CDH19: variants seen among roughly 807,000 people sequenced by gnomAD.
CDH19 encodes cadherin 19.
Under a neutral mutation model 64.2 loss-of-function variants are expected in CDH19, and 67 were observed. The observed-to-expected ratio is 1.04, with a 90% CI of 0.86 to 1.28. CDH19 has a LOEUF of 1.28. Ranked by LOEUF, CDH19 falls within the 50% of genes most tolerant of loss-of-function variation. The pLI is 0.00. For synonymous variants in CDH19, 346 were observed against 319.3 expected (o/e 1.08, Z -0.89); for missense variants, 1,030 against 929.0 (o/e 1.11, Z -1.41).
At position 66,504,520 on chromosome 18, in the gene CDH19, G is replaced by A; in HGVS notation, c.*292C>T. On this transcript the variant is annotated 3_prime_UTR_variant, in exon 12 of 12. Transcript: ENST00000262150. Reference sequence around the variant, plus strand: ...ATAATGATATAATCGCATAAGGATCGACTACATCTTGTGTCCTCTCATCTA... The same window carrying A: ...ATAATGATATAATCGCATAAGGATCAACTACATCTTGTGTCCTCTCATCTA... The A allele has an allele frequency of 3.6e-6, 1 of 274,152 alleles. No individual in the cohort carries two copies. The highest frequency in any genetic ancestry group is 6.8e-6 in the Non-Finnish European group (1 of 145,996). The allele number at this position is 274,152 out of a possible 1,614,324, so 17.0% of individuals were successfully genotyped here. A position where few individuals can be genotyped will look rare whatever the true frequency, so the allele number is the denominator to read the frequency against.
rs1026162128 is a variant in CDH19 at position 66,502,416 on chromosome 18, T to C, written c.*2396A>G. ...ACAGGTATTCCATTAATGTGCATTT[T>C]AATGAGTTGTTTATCCAAATGTATT... On this transcript the variant is annotated 3_prime_UTR_variant, in exon 12 of 12. Coordinates refer to ENST00000262150, the MANE Select transcript of CDH19 (RefSeq NM_021153.4). The C allele has an allele frequency of 1.3e-5, 2 of 152,042 alleles. No individual in the cohort carries two copies. The highest frequency in any genetic ancestry group is 2.9e-5 in the Non-Finnish European group (2 of 67,954). 9.4% of individuals were successfully genotyped at this position (152,042 alleles called of 1,614,324 possible).
At chr18:66,568,281 A>G (rs1987979692) in intron 3 of CDH19, 135 bp downstream of exon 3, 1 of 643,754 alleles carries the variant, frequency 1.6e-6, no homozygotes, top group African/African-American at 1.8e-5. Context: ...AATTTTTCAA[A>G]TATTTTACTT....
chr18:66,522,711 T>C (rs1986050101), intron 9 of CDH19, among the ~76,000 whole-genome samples: 1 of 151,470 alleles, frequency 6.6e-6, no homozygotes, highest in Non-Finnish European at 1.5e-5. Flanking sequence ...TTCATATTAA[T>C]TCGAACACAT....
At chr18:66,599,460 C>T (rs1162059903) in intron 1 of CDH19, among the ~76,000 whole-genome samples, 2 of 152,012 alleles carry the variant, frequency 1.3e-5, no homozygotes, top group African/African-American at 4.8e-5. Context: ...GTATGTTTCA[C>T]GTTTCAGAAG....
intron 9 of CDH19, among the ~76,000 whole-genome samples, chr18:66,525,365 G>T (rs1360053147): frequency 6.6e-6 from 1 of 151,900 alleles, no homozygotes; most frequent in Non-Finnish European, 1.5e-5. Flanking sequence ...TTTTTTTAGA[G>T]ATTGCTTCAT....
chr18:66,590,549 T>C (rs988716239), intron 1 of CDH19, among the ~76,000 whole-genome samples: 1 of 151,450 alleles, frequency 6.6e-6, no homozygotes, highest in African/African-American at 2.4e-5. Context: ...AGAAAATGCA[T>C]GTAGAAGTTG....
chr18:66,505,628 ATC>A (rs908918124), intron 11 of CDH19, among the ~76,000 whole-genome samples: 6 of 131,286 alleles, frequency 4.6e-5, no homozygotes, highest in Middle Eastern at 8.5e-3. Flanking sequence ...AACATTCAAA[ATC>A]TGTTTCTTCT....
chr18:66,521,972 A>C (rs1986011461), intron 9 of CDH19, among the ~76,000 whole-genome samples: 2 of 150,090 alleles, frequency 1.3e-5, no homozygotes, highest in South Asian at 4.3e-4. Flanking sequence ...TTCGAGACGG[A>C]GTTTCTCTCT....
At chr18:66,508,938 C>T (rs1985333188) in intron 11 of CDH19, 57 bp downstream of exon 11, 3 of 1,558,774 alleles carry the variant, frequency 1.9e-6, no homozygotes, top group Non-Finnish European at 2.6e-6. Flanking sequence ...AGTTCAGCAC[C>T]ACCTACCAAA....
In CDH19 at chr18:66,541,035, G is replaced by A. The variant is rs944965232; in HGVS notation, c.1214+2936C>T. Among the ~76,000 whole-genome samples, 275 of 151,896 alleles carry A rather than the reference G, an allele frequency of 1.8e-3. 4 individuals carry two copies. Among genetic ancestry groups the A allele is most frequent in the Non-Finnish European group, 1.7e-3 (118 of 67,934 alleles). On this transcript the variant is annotated intron_variant, in intron 7 of 11. Coordinates refer to ENST00000262150, the MANE Select transcript of CDH19 (RefSeq NM_021153.4). ...TATTAAATTTTTCCATTATTTCTGT[G>A]CCCCATTTTTTAAAAATTGACATGT...
Position 66,511,695 on chromosome 18 carries a change from A to G in CDH19, c.1459-10T>C. The G allele has an allele frequency of 7.8e-7, 1 of 1,289,294 alleles. No homozygotes were observed. The highest frequency in any genetic ancestry group is 1.8e-5 in the Admixed American group (1 of 55,874). The allele number at this position is 1,289,294 out of a possible 1,614,324, so 79.9% of individuals were successfully genotyped here. A position where few individuals can be genotyped will look rare whatever the true frequency, so the allele number is the denominator to read the frequency against. On this transcript the variant is annotated splice_polypyrimidine_tract_variant and intron_variant, in intron 9 of 11. Transcript: ENST00000262150. ...TGATAGTCTGAATTACCTAAAAAAA[A>G]AGGGGGATAGATTTTTGTTGTTGTT...
chr18:66,572,878 G>A (rs367596322), intron 1 of CDH19, among the ~76,000 whole-genome samples: 1 of 151,734 alleles, frequency 6.6e-6, no homozygotes, highest in Admixed American at 6.6e-5. Flanking sequence ...GCTTGCATAA[G>A]ATATTTACTC....
At chr18:66,547,739 C>A (rs1253346983) in intron 5 of CDH19, among the ~76,000 whole-genome samples, 1 of 127,428 alleles carries the variant, frequency 7.8e-6, no homozygotes, top group Admixed American at 8.7e-5. Context: ...GGGATCTCGG[C>A]TCACTGCAAG....
intron 8 of CDH19, 140 bp downstream of exon 8, chr18:66,534,846 G>A (rs1201627568): frequency 8.7e-6 from 4 of 461,282 alleles, no homozygotes; most frequent in Non-Finnish European, 1.1e-5. Context: ...AATAAAATAC[G>A]CAAGTACACA....
At chr18:66,536,207 A>G (rs1353457586) in intron 7 of CDH19, among the ~76,000 whole-genome samples, 1 of 151,614 alleles carries the variant, frequency 6.6e-6, no homozygotes, top group Non-Finnish European at 1.5e-5. Flanking sequence ...ATGAGATATC[A>G]AGGAAGTTTA....
chr18:66,516,964 T>C (rs1985766363), intron 9 of CDH19, among the ~76,000 whole-genome samples: 1 of 152,232 alleles, frequency 6.6e-6, no homozygotes, highest in Admixed American at 6.5e-5. Context: ...ATGATGTCCA[T>C]ATGTCTTTTT....
rs1005065250 is a variant in CDH19 at position 66,577,439 on chromosome 18, T to C, written c.-112-5123A>G. On this transcript the variant is annotated intron_variant, in intron 1 of 11. Coordinates refer to ENST00000262150, the MANE Select transcript of CDH19 (RefSeq NM_021153.4). ...AATACACCTACATTTATGTGATCAATTGATTTTTGAAAAAGTTCAAAAGGT... is the reference window on the plus strand; with the variant it reads ...AATACACCTACATTTATGTGATCAACTGATTTTTGAAAAAGTTCAAAAGGT... Among the ~76,000 whole-genome samples, 23 of 151,936 alleles carry C rather than the reference T, an allele frequency of 1.5e-4. 1 individual carries two copies. Among genetic ancestry groups the C allele is most frequent in the Admixed American group, 1.4e-3 (21 of 15,210 alleles).
chr18:66,595,517 A>G (rs1391576976), intron 1 of CDH19, among the ~76,000 whole-genome samples: 17 of 71,682 alleles, frequency 2.4e-4, no homozygotes, highest in Admixed American at 7.4e-4. Context: ...CCACAGAAAA[A>G]AAAAAAAAAA....
At chr18:66,594,080 A>T (rs2144634034) in intron 1 of CDH19, among the ~76,000 whole-genome samples, 1 of 152,304 alleles carries the variant, frequency 6.6e-6, no homozygotes, top group East Asian at 1.9e-4. Flanking sequence ...ATGGAGAAAG[A>T]TCTATGAAGC....
Sources: allele counts gnomAD v4.1 joint callset (sites outside exome capture counted in the v4.1 genomes callset), GRCh38; gene constraint gnomAD v4.1.1; transcripts MANE v1.5; gene names NCBI Gene and HGNC (gene_info 2026-07-23, HGNC 2026-07-21).